LY96: variants seen among roughly 807,000 people sequenced by gnomAD.
LY96 encodes the protein myeloid differentiation protein-2.
A neutral mutation model predicts 18.9 loss-of-function variants in LY96; 18 were observed. The observed-to-expected ratio is 0.95, with a 90% CI of 0.66 to 1.41. The LOEUF is 1.41. LY96 is among the 40% of genes most tolerant of loss of function. The probability of loss-of-function intolerance (pLI) is 0.00; values close to 1 mark genes in which losing one functional copy is unlikely to be tolerated. For synonymous variants in LY96, 66 were observed against 62.6 expected, an observed-to-expected ratio of 1.06 and a Z score of -0.26; for missense variants, 175 against 182.4, an observed-to-expected ratio of 0.96 and a Z score of 0.23.
At chr8:74,033,786 C>T (rs927754513), downstream of LY96, among the ~76,000 whole-genome samples, 2 of 152,156 alleles carry the variant, frequency 1.3e-5, no homozygotes, top group Non-Finnish European at 2.9e-5. Context: ...TTACTTTTCT[C>T]TCTGAGCTCT....
At chr8:74,044,154 A>T in the LY96 span, among the ~76,000 whole-genome samples, 2 of 150,700 alleles carry the variant, frequency 1.3e-5, no homozygotes, top group Non-Finnish European at 3.0e-5. Context: ...GGAAACATGT[A>T]TGTTATTTTT....
the LY96 span, among the ~76,000 whole-genome samples, chr8:74,067,047 C>T: frequency 4.6e-5 from 7 of 152,146 alleles, no homozygotes. Context: ...TCCGGCTAGC[C>T]GTCCTTGTGA....
At chr8:74,003,932 G>A (rs529326159) in intron 1 of LY96, among the ~76,000 whole-genome samples, 3 of 152,132 alleles carry the variant, frequency 2.0e-5, no homozygotes, top group African/African-American at 4.8e-5. Context: ...CTCACTTCAG[G>A]GAGATGCAGG....
At chr8:74,067,711 G>A in the LY96 span, among the ~76,000 whole-genome samples, 1 of 151,774 alleles carries the variant, frequency 6.6e-6, no homozygotes, top group East Asian at 1.9e-4. Flanking sequence ...GTATTCTGAG[G>A]TTAATGCTGA....
chr8:74,081,052 CTT>C, the LY96 span, among the ~76,000 whole-genome samples: 1,319 of 90,226 alleles, frequency 0.015, 46 homozygotes, highest in African/African-American at 0.063. Flanking sequence ...CTTTCTTTTT[CTT>C]TCTTTCTTTC....
chr8:74,072,813 G>A, the LY96 span, among the ~76,000 whole-genome samples: 1 of 152,158 alleles, frequency 6.6e-6, no homozygotes, highest in Non-Finnish European at 1.5e-5. Flanking sequence ...AGCCACGCTC[G>A]GCACAGCTCT....
the LY96 span, among the ~76,000 whole-genome samples, chr8:74,039,427 C>G: frequency 0.28 from 41,774 of 151,882 alleles, 7,108 homozygotes; most frequent in African/African-American, 0.48. Flanking sequence ...CGTGTGCGGA[C>G]ATGAGAGATT....
the LY96 span, among the ~76,000 whole-genome samples, chr8:74,097,247 C>G: frequency 2.6e-5 from 4 of 152,080 alleles, no homozygotes; most frequent in Admixed American, 6.6e-5. Flanking sequence ...CACAGGTTAC[C>G]GTTAGGCTGT....
intron 3 of LY96, among the ~76,000 whole-genome samples, chr8:74,021,120 A>G (rs1023732732): frequency 6.6e-6 from 1 of 152,242 alleles, no homozygotes; most frequent in African/African-American, 2.4e-5. Context: ...AACTGTCATC[A>G]GATTGAACAG....
chr8:74,076,364 C>T, the LY96 span, among the ~76,000 whole-genome samples: 6 of 151,370 alleles, frequency 4.0e-5, no homozygotes, highest in South Asian at 1.1e-3. Flanking sequence ...ACTCTTATTA[C>T]CCAGGCTGGA....
chr8:74,051,392 T>G, the LY96 span, among the ~76,000 whole-genome samples: 1 of 152,336 alleles, frequency 6.6e-6, no homozygotes, highest in African/African-American at 2.4e-5. Context: ...TGAGAGTAGC[T>G]TCTTAAATTG....
At chr8:74,047,893 T>C in the LY96 span, among the ~76,000 whole-genome samples, 1 of 152,164 alleles carries the variant, frequency 6.6e-6, no homozygotes, top group African/African-American at 2.4e-5. Flanking sequence ...TATTTTATTT[T>C]ATTTTATTTT....
At chr8:74,086,535 C>T in the LY96 span, among the ~76,000 whole-genome samples, 1 of 152,152 alleles carries the variant, frequency 6.6e-6, no homozygotes, top group Non-Finnish European at 1.5e-5. Flanking sequence ...GGGGTTCCTG[C>T]CTTTTGCATT....
chr8:74,010,987 T>A (rs1816520267), intron 3 of LY96, among the ~76,000 whole-genome samples: 1 of 152,186 alleles, frequency 6.6e-6, no homozygotes, highest in Non-Finnish European at 1.5e-5. Context: ...CTTCAAAGTT[T>A]CTCTTTCTTG....
chr8:74,083,058 C>T, the LY96 span, among the ~76,000 whole-genome samples: 3 of 151,956 alleles, frequency 2.0e-5, no homozygotes, highest in Non-Finnish European at 4.4e-5. Flanking sequence ...TTTTCCCCGT[C>T]CCCCTGCTGG....
the LY96 span, among the ~76,000 whole-genome samples, chr8:74,040,052 G>A: frequency 6.6e-6 from 1 of 152,168 alleles, no homozygotes; most frequent in Non-Finnish European, 1.5e-5. Flanking sequence ...GCCCTTATGC[G>A]GGCGTGACAG....
At chr8:74,098,279 C>T in the LY96 span, among the ~76,000 whole-genome samples, 1 of 152,046 alleles carries the variant, frequency 6.6e-6, no homozygotes, top group Non-Finnish European at 1.5e-5. Flanking sequence ...AAAAGTAAGG[C>T]CTTAGAAAAA....
At chr8:74,034,959 G>A in the LY96 span, among the ~76,000 whole-genome samples, 3 of 152,150 alleles carry the variant, frequency 2.0e-5, no homozygotes, top group African/African-American at 4.8e-5. Flanking sequence ...TCTAATTCCC[G>A]TAGAATTAAA....
At chr8:74,065,593 G>A in the LY96 span, among the ~76,000 whole-genome samples, 1 of 152,144 alleles carries the variant, frequency 6.6e-6, no homozygotes, top group South Asian at 2.1e-4. Context: ...TCAAATTCTG[G>A]TGCTCCCCCA....
Sources: allele counts gnomAD v4.1 joint callset (sites outside exome capture counted in the v4.1 genomes callset), GRCh38; gene constraint gnomAD v4.1.1; transcripts MANE v1.5; gene names NCBI Gene and HGNC (gene_info 2026-07-23, HGNC 2026-07-21).